GRAMD1C: variants seen among roughly 807,000 people sequenced by gnomAD.
The protein encoded by GRAMD1C is GRAM domain containing 1C.
Under a neutral mutation model 97.8 loss-of-function variants are expected in GRAMD1C, and 89 were observed. The ratio of observed to expected loss-of-function variants is 0.91; its 90% CI spans 0.77 to 1.09. The LOEUF (loss-of-function observed/expected upper bound fraction) is 1.09. GRAMD1C is among the 50% of genes least tolerant of loss of function. The pLI is 0.00. For synonymous variants in GRAMD1C, 256 were observed against 267.0 expected (o/e 0.96, Z 0.40); for missense variants, 740 against 766.4 (o/e 0.97, Z 0.41).
At chr3:113,841,432 C>T (rs1036836974) in intron 1 of GRAMD1C, among the ~76,000 whole-genome samples, 5 of 151,004 alleles carry the variant, frequency 3.3e-5, no homozygotes, top group East Asian at 2.0e-4. Context: ...ATTACAGGCA[C>T]GTACCACCAC....
intron 12 of GRAMD1C, 144 bp downstream of exon 12, chr3:113,933,797 G>C (rs975503728): frequency 1.7e-6 from 1 of 595,088 alleles, no homozygotes; most frequent in Non-Finnish European, 2.9e-6. Flanking sequence ...CAGAGGAGTG[G>C]GGCTTCTCAC....
chr3:113,876,063 A>G, intron 4 of GRAMD1C, 102 bp from the exon 5 acceptor site: 1 of 642,330 alleles, frequency 1.6e-6, no homozygotes, highest in East Asian at 2.7e-5. Context: ...AGAATATTCA[A>G]CTGTGAAGTT....
intron 15 of GRAMD1C, chr3:113,938,950 T>C (rs1937638722): frequency 6.6e-6 from 1 of 152,194 alleles, no homozygotes. Flanking sequence ...TTATGGAAGA[T>C]TTTTATGTTC....
intron 14 of GRAMD1C, 67 bp from the exon 15 acceptor site, chr3:113,938,019 A>AC: frequency 2.3e-6 from 2 of 862,714 alleles, no homozygotes; most frequent in East Asian, 2.8e-5. Flanking sequence ...AAAAAAAAAA[A>AC]AAAAAATTTG....
rs545541699 is a variant in GRAMD1C at position 113,860,954 on chromosome 3, C to T, written c.175-8553C>T. The stretch of plus-strand genomic sequence containing the variant: ...GCACTACAGCCTGGGGCAACAAGAA[C>T]GAAACTCCAACTTAAAAAAAAAAAA... On this transcript the variant is annotated intron_variant, in intron 2 of 17. Transcript: ENST00000358160. 1.7e-4 allele frequency among the ~76,000 whole-genome samples: 23 copies of T among 135,956 alleles called. 1 individual carries two copies. The South Asian group carries it at 2.0e-3, about 12-fold the overall frequency. The allele number at this position is 135,956 out of a possible 152,430, so 89.2% of individuals were successfully genotyped here.
intron 2 of GRAMD1C, among the ~76,000 whole-genome samples, chr3:113,867,996 G>A (rs775193782): frequency 1.3e-5 from 2 of 151,912 alleles, no homozygotes; most frequent in Admixed American, 1.3e-4. Flanking sequence ...TCTGTCCTTC[G>A]AATTTGATAA....
chr3:113,850,315 G>T (rs149983831), intron 2 of GRAMD1C: 4 of 712,848 alleles, frequency 5.6e-6, no homozygotes, highest in East Asian at 5.6e-5. Flanking sequence ...CCCCAGCCTC[G>T]ACTTTCTTGT....
chr3:113,933,976 G>A (rs1239388467), intron 12 of GRAMD1C, among the ~76,000 whole-genome samples: 1 of 152,178 alleles, frequency 6.6e-6, no homozygotes, highest in Admixed American at 6.5e-5. Context: ...GAGTTTTGGG[G>A]GAGTGCTCAG....
intron 8 of GRAMD1C, 35 bp from the exon 9 acceptor site, chr3:113,908,923 T>G (rs1352403248): frequency 2.2e-6 from 3 of 1,343,610 alleles, no homozygotes; most frequent in Non-Finnish European, 3.1e-6. Context: ...GCTAAACCTG[T>G]GTTTTATTTT....
At position 113,844,590 on chromosome 3, in the gene GRAMD1C, G is replaced by A. The variant is rs143046502; in HGVS notation, c.115G>A (p.Val39Met). ...NPSPTVEENN[V>M]VVKKQGPNLH... ...TAGTCCAACTGTGGAAGAGAATAAT[G>A]TGGTAGTTAAAAAACAGGGGCCAAA... Residue 39 changes from valine (V) to methionine (M), a missense_variant, in exon 2 of 18, where the codon GTG (valine) becomes ATG (methionine). By Grantham distance (21) the Val-to-Met change is conservative. Transcript: ENST00000358160. 8.1e-6 allele frequency: 13 copies of A among 1,604,772 alleles called. No individual in the cohort carries two copies. In the African/African-American group the frequency reaches 1.5e-4, roughly 18 times the overall value.
chr3:113,909,257 G>A (rs1029019123), intron 9 of GRAMD1C, 137 bp downstream of exon 9: 43 of 425,852 alleles, frequency 1.0e-4, no homozygotes, highest in Middle Eastern at 5.8e-4. Context: ...AAAAGAATGG[G>A]AGCTTATAGA....
At chr3:113,862,511 G>C (rs1352007113) in intron 2 of GRAMD1C, among the ~76,000 whole-genome samples, 3 of 152,170 alleles carry the variant, frequency 2.0e-5, no homozygotes, top group Non-Finnish European at 4.4e-5. Flanking sequence ...CTGTTATCCT[G>C]TTCTTTTTTC....
chr3:113,900,914 C>T (rs527933772), intron 6 of GRAMD1C, 117 bp from the exon 7 acceptor site: 2 of 555,236 alleles, frequency 3.6e-6, no homozygotes, highest in Non-Finnish European at 6.5e-6. Context: ...CTACCAAAGC[C>T]CCATATCTAG....
intron 10 of GRAMD1C, among the ~76,000 whole-genome samples, chr3:113,922,052 T>C (rs1937078268): frequency 6.6e-6 from 1 of 151,942 alleles, no homozygotes. Context: ...GTGTCCAGAA[T>C]GGTATTTTCT....
At chr3:113,904,486 A>C (rs1420556504) in intron 8 of GRAMD1C, among the ~76,000 whole-genome samples, 2 of 152,208 alleles carry the variant, frequency 1.3e-5, no homozygotes, top group East Asian at 3.9e-4. Flanking sequence ...AGAGCTACCG[A>C]GCAGTTTTAC....
chr3:113,890,823 C>T, intron 6 of GRAMD1C: 3 of 678,656 alleles, frequency 4.4e-6, no homozygotes, highest in South Asian at 3.2e-5. Context: ...TTCAGGTTTA[C>T]AGATGAGCCA....
Position 113,909,005 on chromosome 3 carries a change from T to G in GRAMD1C, c.837T>G (p.Ser279Arg), listed in dbSNP as rs1294763670. 2 of 1,576,224 alleles carry G rather than the reference T, an allele frequency of 1.3e-6. No individual in the cohort carries two copies. The highest frequency in any genetic ancestry group is 2.0e-5 in the Admixed American group (1 of 51,274). Residue 279 changes from serine to arginine, a missense_variant, in exon 9 of 18, where the codon AGT (serine) becomes AGG (arginine). Coordinates refer to ENST00000358160, the MANE Select transcript of GRAMD1C (RefSeq NM_017577.5). ...AAAATGAGAAACAGACCAAAAAGAG[T>G]CTCTTACCAACTTTGGAAAAGAAGT... ...ESQNEKQTKK[S>R]LLPTLEKKLT...
intron 6 of GRAMD1C, among the ~76,000 whole-genome samples, chr3:113,887,497 G>A (rs906505630): frequency 2.0e-5 from 3 of 151,946 alleles, no homozygotes; most frequent in Non-Finnish European, 2.9e-5. Context: ...TCAGGAGATC[G>A]AGACCATCCT....
At chr3:113,907,128 C>G (rs189498816) in intron 8 of GRAMD1C, among the ~76,000 whole-genome samples, 1 of 152,306 alleles carries the variant, frequency 6.6e-6, no homozygotes, top group East Asian at 1.9e-4. Flanking sequence ...AGAATAGTTC[C>G]TAGCACACAT....
Sources: allele counts gnomAD v4.1 joint callset (sites outside exome capture counted in the v4.1 genomes callset), GRCh38; gene constraint gnomAD v4.1.1; transcripts MANE v1.5; gene names NCBI Gene and HGNC (gene_info 2026-07-23, HGNC 2026-07-21).